The following SAFB2 variants were observed in gnomAD, a reference collection of about 807,000 sequenced individuals.
The protein encoded by SAFB2 is scaffold attachment factor B2.
SAFB2 carries 32 observed loss-of-function variants against 100.6 expected under a neutral mutation model. The ratio of observed to expected loss-of-function variants is 0.32; its 90% CI spans 0.24 to 0.43. SAFB2 has a LOEUF of 0.43. Among genes scored for constraint, SAFB2 ranks in the 20% least tolerant of loss-of-function variants. SAFB2 has a pLI of 1.00. For synonymous variants in SAFB2, 500 were observed against 439.4 expected (o/e 1.14, Z -1.72); for missense variants, 1,185 against 1,163.4 (o/e 1.02, Z -0.27).
intron 2 of SAFB2, among the ~76,000 whole-genome samples, chr19:5,618,180 A>C (rs1345695574): frequency 6.6e-6 from 1 of 152,104 alleles, no homozygotes; most frequent in East Asian, 1.9e-4. Flanking sequence ...AGAAAAAAAT[A>C]CATACTTTCC....
intron 2 of SAFB2, among the ~76,000 whole-genome samples, chr19:5,618,477 G>A (rs758785134): frequency 4.6e-5 from 7 of 152,170 alleles, no homozygotes; most frequent in Admixed American, 1.3e-4. Flanking sequence ...TGCATGTCTC[G>A]CAACGTGAGC....
chr19:5,598,937 C>T (rs987220558), intron 12 of SAFB2, 53 bp from the exon 13 acceptor site: 146 of 1,542,916 alleles, frequency 9.5e-5, no homozygotes, highest in Middle Eastern at 1.8e-4. Flanking sequence ...CCCAACTTCC[C>T]GCAGTAAACA....
intron 11 of SAFB2, among the ~76,000 whole-genome samples, chr19:5,604,257 C>T (rs1483564435): frequency 2.0e-5 from 3 of 152,132 alleles, no homozygotes; most frequent in Non-Finnish European, 2.9e-5. Context: ...TAAAAAGTAG[C>T]CTGGCTGGGT....
rs146531691 is a variant in SAFB2, at chr19:5,617,076, C to A, written c.275-590G>T. Among the ~76,000 whole-genome samples, 138 of 151,748 alleles carry A rather than the reference C, an allele frequency of 9.1e-4. 1 individual carries two copies. Among genetic ancestry groups the A allele is most frequent in the Middle Eastern group, 3.4e-3 (1 of 294 alleles). The stretch of plus-strand genomic sequence containing the variant: ...CAAATATTTCAAAAACACTCCAAAC[C>A]TAAGAAAAAAAATCACAAAAAAATG... On this transcript the variant is annotated intron_variant, in intron 2 of 20. Transcript: ENST00000252542.
At chr19:5,596,252 G>C (rs910779146) in intron 13 of SAFB2, among the ~76,000 whole-genome samples, 1 of 152,242 alleles carries the variant, frequency 6.6e-6, no homozygotes, top group Admixed American at 6.5e-5. Context: ...GACAGAGCGG[G>C]ACTCCGTCTC....
At chr19:5,610,146 C>G in intron 8 of SAFB2, 51 bp from the exon 9 acceptor site, 1 of 1,465,498 alleles carries the variant, frequency 6.8e-7, no homozygotes, top group Non-Finnish European at 9.5e-7. Context: ...TAACAGGAAG[C>G]ACAACCATTC....
chr19:5,621,739 G>A (rs1465171998), intron 1 of SAFB2, among the ~76,000 whole-genome samples: 2 of 152,238 alleles, frequency 1.3e-5, no homozygotes, highest in African/African-American at 2.4e-5. Context: ...CACTTGGCCC[G>A]GCCTCGGTGA....
At chr19:5,621,013 C>A (rs1380483554) in intron 2 of SAFB2, among the ~76,000 whole-genome samples, 1 of 152,154 alleles carries the variant, frequency 6.6e-6, no homozygotes, top group African/African-American at 2.4e-5. Context: ...GTTCCTCAGA[C>A]CCGTAGAAGT....
chr19:5,595,079 C>T (rs935174644), intron 14 of SAFB2, among the ~76,000 whole-genome samples: 5 of 152,200 alleles, frequency 3.3e-5, no homozygotes, highest in Non-Finnish European at 5.9e-5. Flanking sequence ...GAACTCCTGG[C>T]TTCAGGGGAT....
At chr19:5,609,926 C>A in intron 9 of SAFB2, 69 bp downstream of exon 9, 1 of 1,356,916 alleles carries the variant, frequency 7.4e-7, no homozygotes. Flanking sequence ...ACGTGAACCA[C>A]CGTGCCCAGC....
intron 15 of SAFB2, chr19:5,593,523 C>A (rs926726522): frequency 4.6e-6 from 1 of 218,188 alleles, no homozygotes; most frequent in Non-Finnish European, 8.9e-6. Flanking sequence ...CACATGAGAC[C>A]GGCAGAGTCA....
In SAFB2 at chr19:5,622,639, C is replaced by T. The variant is rs766950769; in HGVS notation, c.77G>A (p.Gly26Glu). 1 of 1,611,480 alleles carries T rather than the reference C, an allele frequency of 6.2e-7. No individual in the cohort carries two copies. Among genetic ancestry groups the T allele is most frequent in the South Asian group, 1.1e-5 (1 of 90,922 alleles). The change falls in exon 1 of 21, where the codon GGG becomes GAG. Residue 26 changes from glycine (G) to glutamate (E), a missense_variant. Gly to Glu is a moderately conservative substitution (Grantham distance 98). Around this residue, in one of 3 missense-constraint regions of SAFB2, gnomAD observed 351 missense variants for 341.2 expected, o/e 1.03. Transcript: ENST00000252542. ...ASLGPGVAET[G>E]TRRLSELRVI... ...CCGCAGCTCGCTGAGCCGCCTCGTCCCAGTCTCCGCAACGCCCGGGCCGAG... is the reference window on the plus strand; with the variant it reads ...CCGCAGCTCGCTGAGCCGCCTCGTCTCAGTCTCCGCAACGCCCGGGCCGAG...
In SAFB2 at chr19:5,589,747, G is replaced by A. The variant is rs1324519639; in HGVS notation, c.2525+531C>T. 2.0e-5 allele frequency among the ~76,000 whole-genome samples: 3 copies of A among 152,192 alleles called. No homozygotes were observed. In the East Asian group the frequency reaches 5.8e-4, roughly 29 times the overall value. On this transcript the variant is annotated intron_variant, in intron 18 of 20. Coordinates refer to ENST00000252542, the MANE Select transcript of SAFB2 (RefSeq NM_014649.3). The stretch of plus-strand genomic sequence containing the variant: ...CCCCCACTGCAGTGCTGGTGAAGGT[G>A]GCTTTGGACACCTGTGGAGGACCTG...
intron 4 of SAFB2, among the ~76,000 whole-genome samples, chr19:5,615,841 A>G (rs928133473): frequency 6.6e-6 from 1 of 152,274 alleles, no homozygotes; most frequent in African/African-American, 2.4e-5. Context: ...CCTGGGTAAC[A>G]GTTGAGACCT....
chr19:5,616,392 G>C (rs754051501), intron 3 of SAFB2, 30 bp downstream of exon 3: 3 of 1,613,846 alleles, frequency 1.9e-6, no homozygotes, highest in Admixed American at 1.7e-5. Flanking sequence ...GGGAGCTGCT[G>C]CTTGTCATCT....
At chr19:5,593,247 C>T (rs968544701) in intron 15 of SAFB2, among the ~76,000 whole-genome samples, 1 of 152,198 alleles carries the variant, frequency 6.6e-6, no homozygotes, top group East Asian at 1.9e-4. Context: ...CTTTCCCTGC[C>T]TTCCACGGGA....
chr19:5,609,504 A>T (rs1033235413), intron 9 of SAFB2, among the ~76,000 whole-genome samples: 1 of 152,092 alleles, frequency 6.6e-6, no homozygotes, highest in Admixed American at 6.5e-5. Flanking sequence ...GGGTTTCGCC[A>T]TGTTGGCCAG....
intron 7 of SAFB2, 192 bp downstream of exon 7, chr19:5,610,928 T>C (rs1334032425): frequency 1.5e-6 from 1 of 679,156 alleles, no homozygotes; most frequent in African/African-American, 1.8e-5. Context: ...ACAACCATGG[T>C]AGGTTGAGAA....
chr19:5,605,668 A>G (rs774984035), intron 9 of SAFB2, among the ~76,000 whole-genome samples: 4 of 152,192 alleles, frequency 2.6e-5, no homozygotes, highest in Admixed American at 6.5e-5. Context: ...AAGGACTTCC[A>G]CTTCTGGCTG....
Sources: allele counts gnomAD v4.1 joint callset (sites outside exome capture counted in the v4.1 genomes callset), GRCh38; gene constraint gnomAD v4.1.1; regional missense constraint gnomAD v4.1.1; transcripts MANE v1.5; gene names NCBI Gene and HGNC (gene_info 2026-07-23, HGNC 2026-07-21).